ERICH3: variants seen among roughly 807,000 people sequenced by gnomAD.
ERICH3 encodes glutamate rich 3, also known as glutamate-rich protein 3.
A neutral mutation model predicts 131.1 loss-of-function variants in ERICH3; 126 were observed. The observed-to-expected ratio is 0.96, with a 90% CI of 0.83 to 1.11. ERICH3 has a LOEUF of 1.11. Ranked by LOEUF, ERICH3 falls within the 50% of genes most tolerant of loss-of-function variation. ERICH3 has a pLI of 0.00. For missense variants in ERICH3, 2,050 were observed against 1,810.7 expected, an observed-to-expected ratio of 1.13 and a Z score of -2.40; for synonymous variants, 695 against 644.6, an observed-to-expected ratio of 1.08 and a Z score of -1.18.
At chr1:74,637,136 C>T (rs146770523) in intron 5 of ERICH3, among the ~76,000 whole-genome samples, 13 of 152,282 alleles carry the variant, frequency 8.5e-5, no homozygotes, top group African/African-American at 2.6e-4. Context: ...TCACTCCTTT[C>T]GGGACTACAC....
chr1:74,590,060 T>C lies in ERICH3; in HGVS notation c.1747A>G (p.Thr583Ala), dbSNP rs1235651300. 6 of 1,605,680 alleles carry C rather than the reference T, an allele frequency of 3.7e-6. No individual in the cohort carries two copies. In the African/African-American group the frequency reaches 4.0e-5, roughly 11 times the overall value. Reference protein sequence around the residue: ...DKQDMKTASSTSSRSHPYSSD... With the variant: ...DKQDMKTASSASSRSHPYSSD... ...GAATAAGGGTGACTTCTGGATGAGGTTGATGAAGCAGTTTTCATATCTACA... is the reference window on the plus strand; with the variant it reads ...GAATAAGGGTGACTTCTGGATGAGGCTGATGAAGCAGTTTTCATATCTACA... The change falls in exon 12 of 15, where the codon ACC (threonine) becomes GCC (alanine). Residue 583 changes from threonine (T) to alanine (A), a missense_variant. Physicochemically the swap from Thr to Ala is moderately conservative, Grantham distance 58 (BLOSUM62 0). Transcript: ENST00000326665.
intron 11 of ERICH3, chr1:74,592,120 A>T (rs1014085068): frequency 6.6e-6 from 1 of 152,202 alleles, no homozygotes; most frequent in East Asian, 1.9e-4. Context: ...ACACAGCAGT[A>T]AAAAACAAAC....
chr1:74,656,452 AAG>A (rs1266015625), intron 1 of ERICH3, among the ~76,000 whole-genome samples: 1 of 152,146 alleles, frequency 6.6e-6, no homozygotes, highest in Admixed American at 6.5e-5. Context: ...CGCATGGCGG[AAG>A]GTGGAAGAGC....
intron 7 of ERICH3, chr1:74,622,588 A>G (rs1356060657): frequency 6.6e-6 from 1 of 152,228 alleles, no homozygotes; most frequent in Non-Finnish European, 1.5e-5. Context: ...CCTTTAATGA[A>G]GTGACTGATT....
intron 8 of ERICH3, among the ~76,000 whole-genome samples, chr1:74,615,711 A>G (rs1425130618): frequency 2.0e-5 from 3 of 152,208 alleles, no homozygotes; most frequent in Non-Finnish European, 4.4e-5. Context: ...TTCATGAAAA[A>G]TTACTGAACT....
chr1:74,587,648 A>G (rs1263856481), intron 12 of ERICH3, among the ~76,000 whole-genome samples: 1 of 152,192 alleles, frequency 6.6e-6, no homozygotes, highest in African/African-American at 2.4e-5. Context: ...ACACAAATTC[A>G]GGTAAACAAT....
At chr1:74,570,851 G>A (rs1481374977) in intron 14 of ERICH3, among the ~76,000 whole-genome samples, 1 of 152,140 alleles carries the variant, frequency 6.6e-6, no homozygotes, top group Non-Finnish European at 1.5e-5. Context: ...ACTTCAGGGA[G>A]CTGCCTTGCA....
intron 8 of ERICH3, among the ~76,000 whole-genome samples, chr1:74,616,256 G>T (rs2100603501): frequency 6.6e-6 from 1 of 152,178 alleles, no homozygotes; most frequent in South Asian, 2.1e-4. Context: ...CTGACCTTAG[G>T]CAGTCTGCCC....
intron 11 of ERICH3, among the ~76,000 whole-genome samples, chr1:74,590,703 C>T (rs1172779574): frequency 6.6e-6 from 1 of 152,164 alleles, no homozygotes; most frequent in African/African-American, 2.4e-5. Context: ...GCTGTGCAGC[C>T]TGGTTCCTAA....
rs775499417 is a variant in ERICH3 at position 74,572,254 on chromosome 1, T to C, written c.3456A>G (p.Thr1152=). The C allele has an allele frequency of 1.2e-6, 2 of 1,614,118 alleles. No homozygotes were observed. The highest frequency in any genetic ancestry group is 1.7e-6 in the Non-Finnish European group (2 of 1,180,020). Reference sequence around the variant, plus strand: ...GCGTTGCTTCAAATATGGGAACCACTGTCTCTTTTAGTGAATCTTCTCCTA... The same window carrying C: ...GCGTTGCTTCAAATATGGGAACCACCGTCTCTTTTAGTGAATCTTCTCCTA... ...GLLGEDSLKE[T]VVPIFEATPG... Residue 1152 remains threonine, a synonymous_variant, in exon 14 of 15, where the codon ACA becomes ACG. Transcript: ENST00000326665.
chr1:74,585,684 G>A (rs1165755415), intron 12 of ERICH3, among the ~76,000 whole-genome samples: 5 of 151,964 alleles, frequency 3.3e-5, no homozygotes, highest in Non-Finnish European at 1.5e-5. Flanking sequence ...TGTGGGACAT[G>A]GTCATTTACA....
At chr1:74,580,513 G>A (rs1277050578) in intron 12 of ERICH3, among the ~76,000 whole-genome samples, 2 of 152,134 alleles carry the variant, frequency 1.3e-5, no homozygotes, top group South Asian at 2.1e-4. Context: ...CTTTTAAAAA[G>A]GAGGTATGAT....
In ERICH3 at chr1:74,612,706, G is replaced by C. The variant is rs754228725; in HGVS notation, c.1104C>G (p.Tyr368Ter). 1.2e-6 allele frequency: 2 copies of C among 1,604,972 alleles called. No individual in the cohort carries two copies. Among genetic ancestry groups the C allele is most frequent in the Non-Finnish European group, 1.7e-6 (2 of 1,173,248 alleles). Residue 368 changes from tyrosine (Y) to a stop codon, truncating the protein, a stop_gained, in exon 9 of 15, where the codon TAC becomes TAG. Transcript: ENST00000326665. LOFTEE classifies it high-confidence loss of function. Reference protein sequence around the residue: ...QVNRLSSCCEYKHRKGSRLGG... With the variant: ...QVNRLSSCCE ...CAAGCCTGGAACCTTTCCGATGCTT[G>C]TATTCACAACAGGAGCTTAACCTGT...
chr1:74,592,717 C>T (rs1410796425), intron 11 of ERICH3, among the ~76,000 whole-genome samples: 2 of 152,140 alleles, frequency 1.3e-5, no homozygotes, highest in Admixed American at 6.6e-5. Flanking sequence ...TGAATGGCCT[C>T]GAAGTGGCCA....
chr1:74,650,444 A>G (rs1646522767), intron 1 of ERICH3, among the ~76,000 whole-genome samples: 1 of 152,142 alleles, frequency 6.6e-6, no homozygotes, highest in African/African-American at 2.4e-5. Flanking sequence ...GCACATATAC[A>G]TTCATACATA....
At chr1:74,640,366 T>C (rs1427430041) in intron 5 of ERICH3, among the ~76,000 whole-genome samples, 3 of 152,156 alleles carry the variant, frequency 2.0e-5, no homozygotes, top group African/African-American at 7.2e-5. Flanking sequence ...CTTTTCATCA[T>C]TTGAGCTGTT....
chr1:74,615,979 G>GT (rs1648944433), intron 8 of ERICH3, among the ~76,000 whole-genome samples: 3 of 151,916 alleles, frequency 2.0e-5, no homozygotes, highest in African/African-American at 4.8e-5. Context: ...TGTAGTTTGG[G>GT]TTTTTTTATT....
intron 10 of ERICH3, among the ~76,000 whole-genome samples, chr1:74,604,326 T>C (rs890060802): frequency 6.6e-6 from 1 of 151,928 alleles, no homozygotes; most frequent in Non-Finnish European, 1.5e-5. Context: ...AGGCTTGAAC[T>C]CCTCAAAGCC....
chr1:74,620,702 G>C, intron 8 of ERICH3, 32 bp downstream of exon 8: 1 of 1,523,730 alleles, frequency 6.6e-7, no homozygotes, highest in Non-Finnish European at 8.9e-7. Flanking sequence ...TCAACTCCAA[G>C]CAATTAAAAA....
Sources: allele counts gnomAD v4.1 joint callset (sites outside exome capture counted in the v4.1 genomes callset), GRCh38; gene constraint gnomAD v4.1.1; transcripts MANE v1.5; gene names NCBI Gene and HGNC (gene_info 2026-07-23, HGNC 2026-07-21).